SORCS3: variants seen among roughly 807,000 people sequenced by gnomAD.
SORCS3 encodes sortilin related VPS10 domain containing receptor 3, also known as VPS10 domain-containing receptor SorCS3.
In SORCS3, 57 loss-of-function variants were observed where a neutral mutation model predicts 146.3. The ratio of observed to expected loss-of-function variants is 0.39; its 90% CI spans 0.31 to 0.49. The LOEUF is 0.49. SORCS3 is among the 20% of genes least tolerant of loss of function. The pLI, the probability that SORCS3 is intolerant of heterozygous loss-of-function variation, is 0.92. For missense variants in SORCS3, 1,341 were observed against 1,575.5 expected (o/e 0.85, Z 2.52); for synonymous variants, 653 against 618.5 (o/e 1.06, Z -0.83).
chr10:105,039,678 A>G (rs1292487255), intron 4 of SORCS3, among the ~76,000 whole-genome samples: 3 of 151,790 alleles, frequency 2.0e-5, no homozygotes, highest in African/African-American at 4.8e-5. Context: ...GATGGTCTTG[A>G]TCTCCTGACC....
rs531725224 is a variant in SORCS3, at chr10:104,794,679, G to A, written c.628-48113G>A. On this transcript the variant is annotated intron_variant, in intron 1 of 26. Coordinates refer to ENST00000369701, the MANE Select transcript of SORCS3 (RefSeq NM_014978.3). ...AGAGAGAATATTATCCAGCATAGTA[G>A]AAAAGGAAGAGATTTAGAAGGTTAC... is the stretch of plus-strand genomic sequence containing the variant. Among the ~76,000 whole-genome samples the A allele has an allele frequency of 1.3e-4, 19 of 150,304 alleles. 1 individual carries two copies. Among genetic ancestry groups the A allele is most frequent in the Middle Eastern group, 3.5e-3 (1 of 282 alleles).
chr10:105,210,106 T>G (rs2056625132), intron 16 of SORCS3, among the ~76,000 whole-genome samples: 1 of 152,156 alleles, frequency 6.6e-6, no homozygotes, highest in African/African-American at 2.4e-5. Flanking sequence ...CCTTCATTCC[T>G]GTTGTAGATA....
chr10:104,718,630 C>A (rs2016507911), intron 1 of SORCS3, among the ~76,000 whole-genome samples: 1 of 152,188 alleles, frequency 6.6e-6, no homozygotes, highest in African/African-American at 2.4e-5. Context: ...GGAAATAAAT[C>A]TGGAGCCTAT....
intron 3 of SORCS3, among the ~76,000 whole-genome samples, chr10:104,917,511 CTT>C (rs988177552): frequency 4.6e-5 from 7 of 152,132 alleles, no homozygotes; most frequent in South Asian, 2.1e-4. Flanking sequence ...AATATCTACT[CTT>C]ATCATTTTTC....
intron 1 of SORCS3, among the ~76,000 whole-genome samples, chr10:104,689,053 A>C (rs1393947216): frequency 1.3e-5 from 2 of 152,140 alleles, no homozygotes; most frequent in Non-Finnish European, 2.9e-5. Flanking sequence ...GGGCACTCAC[A>C]CTTTGGCTCC....
intron 17 of SORCS3, 75 bp from the exon 18 acceptor site, chr10:105,214,365 AAC>A (rs34307677): frequency 0.021 from 27,769 of 1,324,230 alleles, no homozygotes; most frequent in East Asian, 0.027. Context: ...TTCCCTTTAT[AAC>A]ACACACACAC....
intron 4 of SORCS3, among the ~76,000 whole-genome samples, chr10:105,001,121 C>A (rs955377890): frequency 1.8e-4 from 28 of 152,150 alleles, no homozygotes; most frequent in Non-Finnish European, 3.7e-4. Context: ...TTCAGACTAA[C>A]CATGTAAGGT....
intron 14 of SORCS3, among the ~76,000 whole-genome samples, chr10:105,196,570 A>C (rs190800806): frequency 6.6e-6 from 1 of 152,292 alleles, no homozygotes; most frequent in East Asian, 1.9e-4. Context: ...GCACCATTGC[A>C]CTCCAGCATG....
chr10:104,904,843 T>TA (rs893559674), intron 2 of SORCS3, among the ~76,000 whole-genome samples: 5 of 151,762 alleles, frequency 3.3e-5, no homozygotes, highest in African/African-American at 1.2e-4. Flanking sequence ...ATTTTTTTTT[T>TA]AAAAGACTCT....
At position 104,641,717 on chromosome 10, in the gene SORCS3, G is replaced by T. The variant is rs770466925; in HGVS notation, c.390G>T (p.Arg130Ser). The T allele has an allele frequency of 1.1e-4, 170 of 1,541,958 alleles. No individual in the cohort carries two copies. Among genetic ancestry groups the T allele is most frequent in the Non-Finnish European group, 1.4e-4 (159 of 1,145,088 alleles). ...CTGCCAAGCTTGGCGGCGCGAGGAG[G>T]AGTCGCCGGGCGCAGCCCCCAATCA... ...PAPAKLGGAR[R>S]SRRAQPPITQ... The change falls in exon 1 of 27, where the codon AGG becomes AGT. Residue 130 changes from arginine to serine, a missense_variant. By Grantham distance (110) the Arg-to-Ser change is moderately radical. Coordinates refer to ENST00000369701, the MANE Select transcript of SORCS3 (RefSeq NM_014978.3). The surrounding 1 kb of genome is among the most constrained non-coding windows in gnomAD (Gnocchi z 6.4).
At chr10:104,809,551 T>G (rs1256356235) in intron 1 of SORCS3, among the ~76,000 whole-genome samples, 1 of 152,182 alleles carries the variant, frequency 6.6e-6, no homozygotes, top group Non-Finnish European at 1.5e-5. Flanking sequence ...CCAACCTATA[T>G]TTAAAGCCTG....
At chr10:104,690,821 ACCCTG>A (rs2016102778) in intron 1 of SORCS3, among the ~76,000 whole-genome samples, 2 of 48,680 alleles carry the variant, frequency 4.1e-5, no homozygotes, top group South Asian at 2.3e-3. Context: ...ACCAGGCAAG[ACCCTG>A]ATAGCAATAA....
chr10:104,685,777 T>C (rs1432877535), intron 1 of SORCS3, among the ~76,000 whole-genome samples: 6 of 152,234 alleles, frequency 3.9e-5, no homozygotes, highest in East Asian at 1.9e-4. Context: ...ATGTGCATTG[T>C]AGGACTTAGC....
intron 1 of SORCS3, among the ~76,000 whole-genome samples, chr10:104,760,111 G>T (rs1269447739): frequency 6.6e-6 from 1 of 152,192 alleles, no homozygotes; most frequent in African/African-American, 2.4e-5. Flanking sequence ...AGGCCCAGAG[G>T]AGGGACCTGT....
intron 3 of SORCS3, among the ~76,000 whole-genome samples, chr10:104,916,673 A>G (rs2019031410): frequency 6.6e-6 from 1 of 152,210 alleles, no homozygotes; most frequent in Non-Finnish European, 1.5e-5. Flanking sequence ...TCCAGCTAAG[A>G]AAGCACTGCT....
At chr10:104,872,676 A>G (rs2018531107) in intron 2 of SORCS3, among the ~76,000 whole-genome samples, 1 of 151,856 alleles carries the variant, frequency 6.6e-6, no homozygotes, top group Non-Finnish European at 1.5e-5. Context: ...TGAAGGAGAA[A>G]GTTCTTGCAA....
intron 1 of SORCS3, among the ~76,000 whole-genome samples, chr10:104,712,965 T>C (rs2016435713): frequency 6.6e-6 from 1 of 152,178 alleles, no homozygotes; most frequent in Non-Finnish European, 1.5e-5. Flanking sequence ...AAGCAGGGTA[T>C]GGTATGTGCT....
At chr10:105,240,303 T>C (rs1334215632) in intron 20 of SORCS3, among the ~76,000 whole-genome samples, 1 of 152,128 alleles carries the variant, frequency 6.6e-6, no homozygotes, top group Non-Finnish European at 1.5e-5. Flanking sequence ...TACTGAGAGC[T>C]GAAGAAGATG....
chr10:105,171,016 A>C (rs1266392448), intron 13 of SORCS3, among the ~76,000 whole-genome samples: 1 of 152,128 alleles, frequency 6.6e-6, no homozygotes, highest in Non-Finnish European at 1.5e-5. Flanking sequence ...TAGATCTCAG[A>C]CTGACATTGT....
Sources: allele counts gnomAD v4.1 joint callset (sites outside exome capture counted in the v4.1 genomes callset), GRCh38; gene constraint gnomAD v4.1.1; non-coding constraint Gnocchi (gnomAD v3.1); transcripts MANE v1.5; gene names NCBI Gene and HGNC (gene_info 2026-07-23, HGNC 2026-07-21).